Variants in IARS1 observed in about 807,000 individuals in gnomAD.
IARS1 encodes isoleucine--tRNA ligase, cytoplasmic.
In IARS1, 124 loss-of-function variants were observed where a neutral mutation model predicts 168.2. The observed-to-expected ratio is 0.74, with a 90% CI of 0.64 to 0.86. IARS1 has a LOEUF of 0.86. Among genes scored for constraint, IARS1 ranks in the 40% least tolerant of loss-of-function variants. The probability of loss-of-function intolerance (pLI) is 0.00; values close to 1 mark genes in which losing one functional copy is unlikely to be tolerated. For synonymous variants in IARS1, 532 were observed against 529.4 expected (o/e 1.00, Z -0.07); for missense variants, 1,452 against 1,515.8 (o/e 0.96, Z 0.70).
chr9:92,285,801 T>C lies in IARS1; in HGVS notation c.518A>G (p.Tyr173Cys), dbSNP rs1835362463. 1.2e-6 allele frequency: 2 copies of C among 1,613,220 alleles called. No homozygotes were observed. The highest frequency in any genetic ancestry group is 2.2e-5 in the South Asian group (2 of 91,044). The change falls in exon 6 of 34, where the codon TAT becomes TGT. Residue 173 changes from tyrosine to cysteine, a missense_variant. Coordinates refer to ENST00000443024, the MANE Select transcript of IARS1 (RefSeq NM_002161.6). The stretch of plus-strand genomic sequence containing the variant: ...GAAGGGCATGACTTTCACACCTCTA[T>C]AAACAAGGCCTTTATCATAGAGTTG... ...FKQLYDKGLV[Y>C]RGVKVMPFST...
intron 10 of IARS1, among the ~76,000 whole-genome samples, chr9:92,272,250 G>A (rs1018993221): frequency 2.0e-5 from 3 of 152,192 alleles, no homozygotes; most frequent in Non-Finnish European, 2.9e-5. Flanking sequence ...CACACTCTGG[G>A]TTGACTCCAA....
At chr9:92,225,615 A>G (rs1002555543) in intron 31 of IARS1, among the ~76,000 whole-genome samples, 18 of 149,312 alleles carry the variant, frequency 1.2e-4, no homozygotes, top group Non-Finnish European at 2.2e-4. Flanking sequence ...TTTATTTGGA[A>G]GTTACATATG....
rs760636529 is a variant in IARS1 at position 92,265,571 on chromosome 9, C to A, written c.1432-18G>T. On this transcript the variant is annotated intron_variant, in intron 14 of 33. Transcript: ENST00000443024. ...CATACCACCTGTCAAAAACAAAGTTCAATAGCAGGAGCTCCTTAGAGCCAA... is the reference window on the plus strand; with the variant it reads ...CATACCACCTGTCAAAAACAAAGTTAAATAGCAGGAGCTCCTTAGAGCCAA... 2.5e-6 allele frequency: 4 copies of A among 1,606,032 alleles called. No individual in the cohort carries two copies. The South Asian group carries it at 4.4e-5, about 18-fold the overall frequency.
chr9:92,234,446 T>A (rs1010147517), intron 30 of IARS1, among the ~76,000 whole-genome samples: 1 of 152,152 alleles, frequency 6.6e-6, no homozygotes, highest in Non-Finnish European at 1.5e-5. Context: ...AAGAAAATAA[T>A]CTTGGAGTTG....
chr9:92,286,945 T>C (rs776743112), intron 4 of IARS1, among the ~76,000 whole-genome samples: 6 of 152,112 alleles, frequency 3.9e-5, no homozygotes, highest in Non-Finnish European at 7.4e-5. Flanking sequence ...AGTGAATGTA[T>C]GACAAAAAAA....
chr9:92,228,865 C>T, intron 31 of IARS1, 136 bp downstream of exon 31: 1 of 921,256 alleles, frequency 1.1e-6, no homozygotes, highest in Non-Finnish European at 1.7e-6. Context: ...CAGGCAGGCA[C>T]TGCTGAAGAG....
intron 30 of IARS1, among the ~76,000 whole-genome samples, chr9:92,232,282 C>A (rs1290909972): frequency 6.6e-6 from 1 of 151,930 alleles, no homozygotes; most frequent in African/African-American, 2.4e-5. Flanking sequence ...TAGATATTTT[C>A]CAAATAAAAT....
chr9:92,247,204 G>T (rs1587784242), intron 26 of IARS1, among the ~76,000 whole-genome samples, 173 bp downstream of exon 26: 3 of 142,758 alleles, frequency 2.1e-5, no homozygotes, highest in African/African-American at 7.4e-5. Context: ...GAAAAGAGAA[G>T]AGAGAAGAGA....
intron 29 of IARS1, 58 bp downstream of exon 29, chr9:92,242,096 C>T: frequency 7.3e-7 from 1 of 1,374,476 alleles, no homozygotes; most frequent in East Asian, 2.3e-5. Flanking sequence ...CGTGAGTACA[C>T]AAAGTCAAAC....
chr9:92,230,188 G>A lies in IARS1; in HGVS notation c.3284-1062C>T, dbSNP rs887738496. On this transcript the variant is annotated intron_variant, in intron 30 of 33. Coordinates refer to ENST00000443024, the MANE Select transcript of IARS1 (RefSeq NM_002161.6). ...TGCAGTAGTGCGATTTCGGCTCACC[G>A]CAACCTCTGCCTCCTGGATTCAAGA... 4.0e-5 allele frequency among the ~76,000 whole-genome samples: 6 copies of A among 151,630 alleles called. No individual in the cohort carries two copies. In the East Asian group the frequency reaches 7.7e-4, roughly 20 times the overall value.
At chr9:92,284,706 T>A (rs1486801443) in intron 6 of IARS1, among the ~76,000 whole-genome samples, 1 of 151,090 alleles carries the variant, frequency 6.6e-6, no homozygotes, top group Non-Finnish European at 1.5e-5. Flanking sequence ...TAGGTGGAGG[T>A]TGCAGGGAGC....
chr9:92,251,741 T>C, intron 22 of IARS1, 67 bp downstream of exon 22: 2 of 1,053,320 alleles, frequency 1.9e-6, no homozygotes, highest in Admixed American at 1.9e-5. Context: ...TGGAGGATGC[T>C]GCAGCAAGTA....
At chr9:92,222,358 A>G (rs1839792919) in intron 33 of IARS1, among the ~76,000 whole-genome samples, 162 bp downstream of exon 33, 2 of 150,962 alleles carry the variant, frequency 1.3e-5, no homozygotes, top group South Asian at 4.2e-4. Context: ...AAAAAAAAAA[A>G]AAAAAAAGAA....
intron 14 of IARS1, among the ~76,000 whole-genome samples, chr9:92,267,025 C>A (rs1257982607): frequency 6.6e-6 from 1 of 152,170 alleles, no homozygotes; most frequent in Non-Finnish European, 1.5e-5. Context: ...TCTTGTGGGA[C>A]CACTGTCGTA....
rs1003992857 is a variant in IARS1 at position 92,213,205 on chromosome 9, T to G, written c.3707-2316A>C. On this transcript the variant is annotated intron_variant, in intron 33 of 33. Transcript: ENST00000443024. ...AAATAATGACTCCCATGGGGTCTGGTGGCTTAATGCTTTTGGCACTAAAGA... is the reference window on the plus strand; with the variant it reads ...AAATAATGACTCCCATGGGGTCTGGGGGCTTAATGCTTTTGGCACTAAAGA... 1.1e-4 allele frequency among the ~76,000 whole-genome samples: 16 copies of G among 151,968 alleles called. 1 individual carries two copies. The highest frequency in any genetic ancestry group is 3.9e-4 in the African/African-American group (16 of 41,438).
At chr9:92,238,799 T>G (rs577603127) in intron 30 of IARS1, among the ~76,000 whole-genome samples, 2 of 152,356 alleles carry the variant, frequency 1.3e-5, no homozygotes, top group East Asian at 3.9e-4. Context: ...GTCAATATTT[T>G]ACCGGTTTGT....
chr9:92,250,264 CTG>C lies in IARS1; in HGVS notation c.2453_2454del (p.Thr818ArgfsTer12). ...RVREELIDKK[T>X]ESAVSQMQSV... ...GACTGCATCTGAGATACTGCACTCT[CTG>C]TTTTCTTGTCAATCAATTCTTCTCT... is the stretch of plus-strand genomic sequence containing the variant. On this transcript the variant is annotated frameshift_variant, in exon 24 of 34. Transcript: ENST00000443024. LOFTEE classifies it high-confidence loss of function. 1 of 1,609,778 alleles carries C rather than the reference CTG, an allele frequency of 6.2e-7. No homozygotes were observed. The highest frequency in any genetic ancestry group is 8.5e-7 in the Non-Finnish European group (1 of 1,176,072).
At chr9:92,214,054 T>C (rs759581973) in intron 33 of IARS1, among the ~76,000 whole-genome samples, 3 of 151,882 alleles carry the variant, frequency 2.0e-5, no homozygotes, top group Non-Finnish European at 4.4e-5. Context: ...CCCAAAGTGC[T>C]GGGATTACAC....
intron 23 of IARS1, 143 bp from the exon 24 acceptor site, chr9:92,250,432 G>A (rs887452700): frequency 1.8e-5 from 12 of 673,490 alleles, no homozygotes; most frequent in African/African-American, 9.0e-5. Flanking sequence ...GAAGGGCAGC[G>A]CAGTGCCTAC....
Sources: allele counts gnomAD v4.1 joint callset (sites outside exome capture counted in the v4.1 genomes callset), GRCh38; gene constraint gnomAD v4.1.1; transcripts MANE v1.5; gene names NCBI Gene and HGNC (gene_info 2026-07-23, HGNC 2026-07-21).